ADAM12: variants seen among roughly 807,000 people sequenced by gnomAD.
ADAM12 encodes the protein ADAM metallopeptidase domain 12, also known as disintegrin and metalloproteinase domain-containing protein 12.
Under a neutral mutation model 106.4 loss-of-function variants are expected in ADAM12, and 70 were observed. The observed-to-expected ratio is 0.66, with a 90% CI of 0.54 to 0.80. ADAM12 has a LOEUF of 0.80. ADAM12 is among the 30% of genes least tolerant of loss of function. The pLI is 0.00. For synonymous variants in ADAM12, 420 were observed against 433.5 expected, an observed-to-expected ratio of 0.97 and a Z score of 0.39; for missense variants, 1,010 against 1,171.9, an observed-to-expected ratio of 0.86 and a Z score of 2.02.
intron 2 of ADAM12, among the ~76,000 whole-genome samples, chr10:126,302,321 G>T (rs1481680160): frequency 6.6e-6 from 1 of 152,218 alleles, no homozygotes; most frequent in Admixed American, 6.5e-5. Context: ...TGTTCCTGTT[G>T]TGATCCCAGA....
chr10:126,142,561 T>C (rs1956532964), intron 4 of ADAM12, among the ~76,000 whole-genome samples: 1 of 152,188 alleles, frequency 6.6e-6, no homozygotes. Context: ...CCTTCCAGCG[T>C]GGGTGTCATG....
intron 1 of ADAM12, among the ~76,000 whole-genome samples, chr10:126,373,357 C>T (rs1018398508): frequency 1.3e-5 from 2 of 152,182 alleles, no homozygotes; most frequent in East Asian, 1.9e-4. Context: ...GGCTTCACCC[C>T]CAAAGCTCAG....
intron 19 of ADAM12, 135 bp from the exon 20 acceptor site, chr10:126,038,484 T>C (rs1954098154): frequency 1.6e-6 from 1 of 620,238 alleles, no homozygotes. Context: ...AAGGAAAAAT[T>C]ACCTAATAAC....
At chr10:126,084,317 G>T (rs11817102) in intron 11 of ADAM12, among the ~76,000 whole-genome samples, 14,394 of 152,136 alleles carry the variant, frequency 0.095, 901 homozygotes, top group African/African-American at 0.17. Context: ...AAGAACCCAG[G>T]GGCGGGGGAC....
chr10:126,236,179 CAG>C (rs1958411902), intron 3 of ADAM12, among the ~76,000 whole-genome samples: 2 of 152,204 alleles, frequency 1.3e-5, no homozygotes, highest in African/African-American at 2.4e-5. Flanking sequence ...GAGCTCAGCC[CAG>C]AGAGTGTCCG....
chr10:126,110,750 T>C (rs1955854511), intron 6 of ADAM12, among the ~76,000 whole-genome samples: 1 of 152,206 alleles, frequency 6.6e-6, no homozygotes, highest in African/African-American at 2.4e-5. Flanking sequence ...ACTGGAAGAA[T>C]TCCAAATGCA....
At chr10:126,240,657 G>A (rs1048189324) in intron 3 of ADAM12, among the ~76,000 whole-genome samples, 1 of 152,196 alleles carries the variant, frequency 6.6e-6, no homozygotes, top group South Asian at 2.1e-4. Context: ...GAGACTTCCA[G>A]GCAGAGAACA....
chr10:126,309,966 C>T (rs192433592), intron 2 of ADAM12, among the ~76,000 whole-genome samples: 213 of 152,036 alleles, frequency 1.4e-3, no homozygotes, highest in African/African-American at 4.8e-3. Context: ...CAAGACCAGC[C>T]GGGCCAACAT....
intron 2 of ADAM12, among the ~76,000 whole-genome samples, chr10:126,309,452 C>T (rs1354158818): frequency 6.6e-6 from 1 of 152,134 alleles, no homozygotes; most frequent in Non-Finnish European, 1.5e-5. Flanking sequence ...AAACAAATTC[C>T]AATGTAACAT....
intron 3 of ADAM12, among the ~76,000 whole-genome samples, chr10:126,243,066 C>A (rs1958558431): frequency 6.6e-6 from 1 of 152,218 alleles, no homozygotes; most frequent in Non-Finnish European, 1.5e-5. Flanking sequence ...CCTCTAGACA[C>A]ATTCACCCTG....
intron 7 of ADAM12, 100 bp from the exon 8 acceptor site, chr10:126,108,764 C>T: frequency 9.4e-7 from 1 of 1,060,200 alleles, no homozygotes; most frequent in Non-Finnish European, 1.4e-6. Flanking sequence ...TTTTACAAAC[C>T]ACTGGGGACC....
intron 5 of ADAM12, among the ~76,000 whole-genome samples, chr10:126,119,344 T>C (rs1489308041): frequency 6.6e-6 from 1 of 152,220 alleles, no homozygotes; most frequent in African/African-American, 2.4e-5. Context: ...TACCTACTTC[T>C]CAGGGTTGCT....
chr10:126,195,574 C>T (rs919809679), intron 3 of ADAM12, among the ~76,000 whole-genome samples: 6 of 151,952 alleles, frequency 3.9e-5, no homozygotes, highest in Non-Finnish European at 8.8e-5. Flanking sequence ...AACTCCATCC[C>T]CCACCCAAAA....
intron 3 of ADAM12, among the ~76,000 whole-genome samples, chr10:126,201,075 A>T (rs1427345232): frequency 6.6e-6 from 1 of 152,160 alleles, no homozygotes; most frequent in East Asian, 1.9e-4. Flanking sequence ...AGTAGTCAGA[A>T]TTTCTTCCAC....
chr10:126,251,535 A>AG (rs1958751275), intron 3 of ADAM12, among the ~76,000 whole-genome samples: 1 of 147,056 alleles, frequency 6.8e-6, no homozygotes, highest in Non-Finnish European at 1.5e-5. Context: ...CAGGATGGAT[A>AG]GATGGATGGA....
At chr10:126,257,368 T>C (rs1194695906) in intron 3 of ADAM12, among the ~76,000 whole-genome samples, 1 of 152,230 alleles carries the variant, frequency 6.6e-6, no homozygotes, top group Non-Finnish European at 1.5e-5. Flanking sequence ...TGTATTGAGA[T>C]GGCCTCTTCG....
At chr10:126,203,081 G>A (rs1475551879) in intron 3 of ADAM12, among the ~76,000 whole-genome samples, 1 of 152,202 alleles carries the variant, frequency 6.6e-6, no homozygotes, top group Admixed American at 6.5e-5. Context: ...ATCAGCGAAG[G>A]AGTAAGGAAG....
chr10:126,328,445 C>G (rs928093089), intron 2 of ADAM12, among the ~76,000 whole-genome samples: 1 of 152,186 alleles, frequency 6.6e-6, no homozygotes, highest in African/African-American at 2.4e-5. Context: ...AGGACAGATA[C>G]ACACATACAC....
chr10:126,279,954 C>T (rs1959484673), intron 2 of ADAM12, among the ~76,000 whole-genome samples: 1 of 152,166 alleles, frequency 6.6e-6, no homozygotes. Flanking sequence ...TATTTCGGTA[C>T]TAGGCTTGTA....
Sources: gnomAD v4.1 joint callset for allele counts (sites outside exome capture counted in the v4.1 genomes callset) on GRCh38, gnomAD v4.1.1 for gene constraint, MANE v1.5 for transcripts, NCBI Gene and HGNC (gene_info 2026-07-23, HGNC 2026-07-21) for gene names.